Variants in SLIT3 observed in about 807,000 individuals in gnomAD.
The protein encoded by SLIT3 is slit guidance ligand 3, also known as slit homolog 3 protein.
A neutral mutation model predicts 184.0 loss-of-function variants in SLIT3; 68 were observed. The ratio of observed to expected loss-of-function variants is 0.37; its 90% CI spans 0.30 to 0.45. SLIT3 has a LOEUF of 0.45. SLIT3 is among the 20% of genes least tolerant of loss of function. The pLI is 1.00. For synonymous variants in SLIT3, 831 were observed against 828.6 expected, an observed-to-expected ratio of 1.00 and a Z score of -0.05; for missense variants, 1,707 against 2,026.0, an observed-to-expected ratio of 0.84 and a Z score of 3.02.
chr5:168,866,966 A>C (rs1231874203), intron 5 of SLIT3, among the ~76,000 whole-genome samples: 2 of 152,214 alleles, frequency 1.3e-5, no homozygotes, highest in Non-Finnish European at 2.9e-5. Flanking sequence ...GGGGAGACTA[A>C]GACTCGAACC....
intron 29 of SLIT3, among the ~76,000 whole-genome samples, chr5:168,690,335 A>T (rs183791395): frequency 1.2e-4 from 19 of 152,164 alleles, no homozygotes; most frequent in African/African-American, 4.6e-4. Flanking sequence ...GGGTTTCACC[A>T]TGTTGGCCAG....
At chr5:169,223,145 A>G (rs1307206491) in intron 3 of SLIT3, among the ~76,000 whole-genome samples, 1 of 152,144 alleles carries the variant, frequency 6.6e-6, no homozygotes. Context: ...GAGAATTCCC[A>G]GGGAAGCTCA....
chr5:168,673,204 C>T lies in SLIT3; in HGVS notation c.3814G>A (p.Gly1272Ser). The T allele has an allele frequency of 6.2e-7, 1 of 1,613,586 alleles. No homozygotes were observed. Among genetic ancestry groups the T allele is most frequent in the Non-Finnish European group, 8.5e-7 (1 of 1,179,852 alleles). ...CCAAGGTAGAGGGGGCTGTTGATGC[C>T]CACTGCTGGCTGCTTCTGGAGCTTC... ...LGKLQKQPAVGINSPLYLGGI... is the reference protein window; with the variant it reads ...LGKLQKQPAVSINSPLYLGGI... The change falls in exon 33 of 36, where the codon GGC becomes AGC. Residue 1272 changes from glycine (G) to serine (S), a missense_variant. Around this residue, in one of 3 missense-constraint regions of SLIT3, gnomAD observed 387 missense variants for 477.9 expected, o/e 0.81. Coordinates refer to ENST00000519560, the MANE Select transcript of SLIT3 (RefSeq NM_003062.4).
At chr5:168,795,639 G>T in intron 9 of SLIT3, 61 bp from the exon 10 acceptor site, 5 of 1,316,346 alleles carry the variant, frequency 3.8e-6, no homozygotes, top group Non-Finnish European at 5.5e-6. Flanking sequence ...TGGTCACTGA[G>T]GGCTACTGTG....
chr5:169,298,261 C>T (rs1767574297), intron 1 of SLIT3, among the ~76,000 whole-genome samples: 1 of 152,136 alleles, frequency 6.6e-6, no homozygotes. Flanking sequence ...GAAGCTCCTG[C>T]TCTGCCACTG....
At chr5:168,761,961 G>A (rs570602681) in intron 15 of SLIT3, among the ~76,000 whole-genome samples, 42 of 148,228 alleles carry the variant, frequency 2.8e-4, no homozygotes, top group Non-Finnish European at 5.7e-4. Context: ...TAAGGGAGTG[G>A]GGTCTCACTA....
At chr5:169,007,743 G>A (rs1325272408) in intron 4 of SLIT3, among the ~76,000 whole-genome samples, 1 of 152,078 alleles carries the variant, frequency 6.6e-6, no homozygotes, top group Non-Finnish European at 1.5e-5. Context: ...AACTAAAGAT[G>A]GCCTTTAACT....
At chr5:169,062,717 G>C (rs978392593) in intron 4 of SLIT3, among the ~76,000 whole-genome samples, 2 of 152,202 alleles carry the variant, frequency 1.3e-5, no homozygotes, top group African/African-American at 2.4e-5. Flanking sequence ...AATTCCATAA[G>C]AGCACAGATT....
intron 4 of SLIT3, among the ~76,000 whole-genome samples, chr5:169,185,448 T>G (rs914409955): frequency 1.3e-5 from 2 of 152,222 alleles, no homozygotes; most frequent in South Asian, 4.1e-4. Context: ...GGGCAGCCTC[T>G]GAAGCCCCAC....
chr5:169,183,137 A>G (rs575922083), intron 4 of SLIT3, among the ~76,000 whole-genome samples: 1 of 152,354 alleles, frequency 6.6e-6, no homozygotes, highest in African/African-American at 2.4e-5. Flanking sequence ...TTGGAGTGAC[A>G]CACACAGTAG....
intron 4 of SLIT3, among the ~76,000 whole-genome samples, chr5:169,154,027 C>T (rs1008427764): frequency 6.7e-6 from 1 of 148,324 alleles, no homozygotes; most frequent in Admixed American, 6.8e-5. Flanking sequence ...GGCTGAAGTG[C>T]AGTGGTGTCA....
chr5:169,203,496 A>G (rs1322810454), intron 3 of SLIT3, among the ~76,000 whole-genome samples: 2 of 152,166 alleles, frequency 1.3e-5, no homozygotes, highest in Non-Finnish European at 1.5e-5. Flanking sequence ...CTGCATCCCT[A>G]TAGTGACCTC....
chr5:169,087,946 CCCTACTTT>C (rs1250086343), intron 4 of SLIT3, among the ~76,000 whole-genome samples: 1 of 152,244 alleles, frequency 6.6e-6, no homozygotes, highest in East Asian at 1.9e-4. Flanking sequence ...CTTGGCATCC[CCCTACTTT>C]CCTCCGTTCT....
chr5:169,047,311 G>C (rs1221388637), intron 4 of SLIT3, among the ~76,000 whole-genome samples: 1 of 152,022 alleles, frequency 6.6e-6, no homozygotes, highest in Non-Finnish European at 1.5e-5. Context: ...TTTTCCCCTT[G>C]ACCTCTTCTC....
chr5:168,671,319 T>C lies in SLIT3; in HGVS notation c.4006A>G (p.Thr1336Ala). Residue 1336 changes from threonine (T) to alanine (A), a missense_variant, in exon 34 of 36, where the codon ACC becomes GCC. By Grantham distance (58) the Thr-to-Ala change is moderately conservative. Around this residue, in one of 3 missense-constraint regions of SLIT3, gnomAD observed 387 missense variants for 477.9 expected, o/e 0.81. Coordinates refer to ENST00000519560, the MANE Select transcript of SLIT3 (RefSeq NM_003062.4). ...LGVSPGCKSC[T>A]VCKHGLCRSV... ...CGGCACAGGCCGTGCTTGCACACGG[T>C]GCAGGACTTGCAGCCTGGTGACACC... 1 of 1,613,970 alleles carries C rather than the reference T, an allele frequency of 6.2e-7. No individual in the cohort carries two copies. The highest frequency in any genetic ancestry group is 1.1e-5 in the South Asian group (1 of 91,074).
At chr5:169,253,142 G>A (rs906956774) in intron 1 of SLIT3, among the ~76,000 whole-genome samples, 29 of 151,972 alleles carry the variant, frequency 1.9e-4, no homozygotes, top group African/African-American at 6.8e-4. Flanking sequence ...TATCCATGCA[G>A]GGATGGGAAA....
At chr5:169,118,191 T>C (rs1483910332) in intron 4 of SLIT3, among the ~76,000 whole-genome samples, 1 of 152,194 alleles carries the variant, frequency 6.6e-6, no homozygotes, top group Non-Finnish European at 1.5e-5. Flanking sequence ...AGAAATTTGT[T>C]TAAATGATTT....
intron 4 of SLIT3, among the ~76,000 whole-genome samples, chr5:168,937,484 G>C (rs866092391): frequency 6.6e-6 from 1 of 152,150 alleles, no homozygotes; most frequent in African/African-American, 2.4e-5. Context: ...CAGAGGGGCA[G>C]AGGTGAAATG....
chr5:168,666,236 TG>T lies in SLIT3; in HGVS notation c.*217del. 1 of 444,926 alleles carries T rather than the reference TG, an allele frequency of 2.2e-6. No homozygotes were observed. The highest frequency in any genetic ancestry group is 3.9e-6 in the Non-Finnish European group (1 of 255,380). 27.6% of individuals were successfully genotyped at this position (444,926 alleles called of 1,614,324 possible). A position where few individuals can be genotyped will look rare whatever the true frequency, so the allele number is the denominator to read the frequency against. ...CTATATGGTACATATACGCAGATGGTGTAATATATTTATATAATAAAAGATG... is the reference window on the plus strand; with the variant it reads ...CTATATGGTACATATACGCAGATGGTTAATATATTTATATAATAAAAGATG... On this transcript the variant is annotated 3_prime_UTR_variant, in exon 36 of 36. Transcript: ENST00000519560.
Sources: gnomAD v4.1 joint callset for allele counts (sites outside exome capture counted in the v4.1 genomes callset) on GRCh38, gnomAD v4.1.1 for gene constraint, gnomAD v4.1.1 regional missense constraint, MANE v1.5 for transcripts, NCBI Gene and HGNC (gene_info 2026-07-23, HGNC 2026-07-21) for gene names.